The following STIM2 variants were observed in gnomAD, a reference collection of about 807,000 sequenced individuals.
The protein encoded by STIM2 is stromal interaction molecule 2.
In STIM2, 31 loss-of-function variants were observed where a neutral mutation model predicts 85.8. The ratio of observed to expected loss-of-function variants is 0.36; its 90% confidence interval spans 0.27 to 0.49. The LOEUF is 0.49. Ranked by LOEUF, STIM2 falls within the 20% of genes least tolerant of loss-of-function variation. The probability of loss-of-function intolerance (pLI) is 0.98; values close to 1 mark genes in which losing one functional copy is unlikely to be tolerated. For synonymous variants in STIM2, 356 were observed against 331.1 expected (o/e 1.08, Z -0.82); for missense variants, 841 against 927.6 (o/e 0.91, Z 1.21).
chr4:26,919,481 A>T, intron 1 of STIM2, 23 bp from the exon 2 acceptor site: 13 of 1,612,504 alleles, frequency 8.1e-6, no homozygotes, highest in Non-Finnish European at 1.1e-5. Context: ...GCAAGTTAGT[A>T]ATTGCCCTTT....
Position 26,876,447 on chromosome 4 carries a change from G to A in STIM2, c.151+15078G>A, listed in dbSNP as rs534327068. 1.1e-4 allele frequency among the ~76,000 whole-genome samples: 17 copies of A among 152,048 alleles called. 1 individual carries two copies. In the South Asian group the frequency reaches 3.3e-3, roughly 30 times the overall value. ...TTGCATTTTAAAAGTCTTAAAACTC[G>A]CCCTGCCTTGCTTTACTCTTATCAA... On this transcript the variant is annotated intron_variant, in intron 1 of 11. Transcript: ENST00000467087.
intron 3 of STIM2, among the ~76,000 whole-genome samples, chr4:26,980,132 T>C (rs1353450283): frequency 6.6e-6 from 1 of 152,206 alleles, no homozygotes; most frequent in East Asian, 1.9e-4. Context: ...GTTCAGTGTT[T>C]AGTGTAGACT....
At chr4:26,877,789 C>T (rs1287785569) in intron 1 of STIM2, among the ~76,000 whole-genome samples, 1 of 152,146 alleles carries the variant, frequency 6.6e-6, no homozygotes, top group Non-Finnish European at 1.5e-5. Context: ...TTTGTCCTCT[C>T]CAAAACTCCT....
intron 6 of STIM2, 85 bp downstream of exon 6, chr4:27,002,479 C>T: frequency 5.7e-6 from 6 of 1,056,552 alleles, no homozygotes; most frequent in African/African-American, 1.6e-5. Context: ...TAAATACTTA[C>T]ATTTAGGTTA....
intron 5 of STIM2, among the ~76,000 whole-genome samples, chr4:27,001,439 G>T (rs1728152085): frequency 6.6e-6 from 1 of 152,072 alleles, no homozygotes; most frequent in Non-Finnish European, 1.5e-5. Flanking sequence ...CATATCTCTG[G>T]CATATAGACA....
In STIM2 at chr4:26,946,123, G is replaced by C. The variant is rs1397511516; in HGVS notation, c.283-11489G>C. Among the ~76,000 whole-genome samples the C allele has an allele frequency of 2.6e-5, 4 of 152,236 alleles. No individual in the cohort carries two copies. The East Asian group carries it at 7.7e-4, about 29-fold the overall frequency. Reference sequence around the variant, plus strand: ...ATGTTTATGGTTAAGTTGAACCATAGGCAAACATTGATGTCCTACCATGTT... The same window carrying C: ...ATGTTTATGGTTAAGTTGAACCATACGCAAACATTGATGTCCTACCATGTT... On this transcript the variant is annotated intron_variant, in intron 2 of 11. Coordinates refer to ENST00000467087, the MANE Select transcript of STIM2 (RefSeq NM_020860.4).
At chr4:26,906,052 C>T (rs546629177) in intron 1 of STIM2, among the ~76,000 whole-genome samples, 1 of 151,878 alleles carries the variant, frequency 6.6e-6, no homozygotes, top group Non-Finnish European at 1.5e-5. Context: ...ATTTTTTGAT[C>T]ATTATTTTTT....
rs556230825 is a variant in STIM2, at chr4:27,016,364, A to G, written c.1490-1347A>G. Among the ~76,000 whole-genome samples, 24 of 152,208 alleles carry G rather than the reference A, an allele frequency of 1.6e-4. No homozygotes were observed. In the East Asian group the frequency reaches 4.4e-3, roughly 28 times the overall value. The stretch of plus-strand genomic sequence containing the variant: ...CTGTTTTATAATGTTTTACTTAGCT[A>G]TTGTTAAGGAGATTGGCATTATTCC... On this transcript the variant is annotated intron_variant, in intron 10 of 11. Transcript: ENST00000467087.
At chr4:26,902,014 G>A (rs1723941847) in intron 1 of STIM2, among the ~76,000 whole-genome samples, 1 of 152,200 alleles carries the variant, frequency 6.6e-6, no homozygotes, top group African/African-American at 2.4e-5. Context: ...AGGGATCACA[G>A]TGTGCCTGTA....
intron 1 of STIM2, among the ~76,000 whole-genome samples, chr4:26,916,239 CT>C (rs1460092253): frequency 6.6e-6 from 1 of 152,156 alleles, no homozygotes; most frequent in African/African-American, 2.4e-5. Context: ...TTGTAAAAGC[CT>C]TGAGTCTTAC....
chr4:27,022,753 T>G lies in STIM2; in HGVS notation c.1998T>G (p.Pro666=), dbSNP rs373268353. 1.4e-5 allele frequency: 23 copies of G among 1,614,128 alleles called. No homozygotes were observed. Among genetic ancestry groups the G allele is most frequent in the Non-Finnish European group, 1.9e-5 (23 of 1,180,054 alleles). The stretch of plus-strand genomic sequence containing the variant: ...AAACTAAGAGTATGATCTTCAGTCC[T>G]GCAAGCAAAGTGTACAATGGCATTT... The change falls in exon 12 of 12, where the codon CCT becomes CCG. Residue 666 remains proline (P), a synonymous_variant. Coordinates refer to ENST00000467087, the MANE Select transcript of STIM2 (RefSeq NM_020860.4).
intron 2 of STIM2, among the ~76,000 whole-genome samples, chr4:26,932,214 T>G (rs1321378588): frequency 6.6e-6 from 1 of 152,228 alleles, no homozygotes; most frequent in Non-Finnish European, 1.5e-5. Context: ...CCAGAACCCA[T>G]GTTCTTGACT....
chr4:26,910,513 G>T (rs528485161), intron 1 of STIM2, among the ~76,000 whole-genome samples: 14 of 151,668 alleles, frequency 9.2e-5, no homozygotes, highest in Non-Finnish European at 1.8e-4. Flanking sequence ...GATGGAGTGA[G>T]ACTGTCTCAA....
intron 1 of STIM2, among the ~76,000 whole-genome samples, chr4:26,866,789 A>G (rs574618188): frequency 4.6e-5 from 7 of 152,260 alleles, no homozygotes; most frequent in Admixed American, 1.3e-4. Context: ...TATCCATTTT[A>G]TTAGATTATT....
intron 11 of STIM2, among the ~76,000 whole-genome samples, chr4:27,020,076 G>A (rs1728862699): frequency 6.6e-6 from 1 of 152,142 alleles, no homozygotes; most frequent in Non-Finnish European, 1.5e-5. Flanking sequence ...GATTTACTGA[G>A]GCTTTTACAA....
At chr4:26,939,730 A>G (rs1246136884) in intron 2 of STIM2, among the ~76,000 whole-genome samples, 1 of 151,910 alleles carries the variant, frequency 6.6e-6, no homozygotes, top group African/African-American at 2.4e-5. Flanking sequence ...TGGCCTCCTG[A>G]AGGGCTTGGC....
At chr4:26,982,783 T>A (rs1056491296) in intron 3 of STIM2, among the ~76,000 whole-genome samples, 1 of 152,226 alleles carries the variant, frequency 6.6e-6, no homozygotes, top group Non-Finnish European at 1.5e-5. Context: ...TTCTTTTTTT[T>A]TATACTGAAA....
In STIM2 at chr4:27,008,994, A is replaced by G. The variant is rs1167923982; in HGVS notation, c.1481A>G (p.Gln494Arg). The change falls in exon 10 of 12, where the codon CAA becomes CGA. Residue 494 changes from glutamine (Q) to arginine (R), a missense_variant. Transcript: ENST00000467087. ...GAAGACACACCCCCAATAGTGTCACAATTTCCCGGTAAGTGGCAATTTCAA... is the reference window on the plus strand; with the variant it reads ...GAAGACACACCCCCAATAGTGTCACGATTTCCCGGTAAGTGGCAATTTCAA... 5.6e-6 allele frequency: 9 copies of G among 1,609,776 alleles called. No individual in the cohort carries two copies. Among genetic ancestry groups the G allele is most frequent in the Non-Finnish European group, 7.6e-6 (9 of 1,177,834 alleles).
intron 10 of STIM2, among the ~76,000 whole-genome samples, chr4:27,015,441 TTC>T (rs994223375): frequency 6.6e-6 from 1 of 152,012 alleles, no homozygotes; most frequent in East Asian, 1.9e-4. Flanking sequence ...TGTTATTCAT[TTC>T]TTTTTTTTCT....
Sources: allele counts gnomAD v4.1 joint callset (sites outside exome capture counted in the v4.1 genomes callset), GRCh38; gene constraint gnomAD v4.1.1; transcripts MANE v1.5; gene names NCBI Gene and HGNC (gene_info 2026-07-23, HGNC 2026-07-21).